Variants in KCNN2 observed in about 807,000 individuals in gnomAD.
KCNN2 encodes small conductance calcium-activated potassium channel protein 2.
Under a neutral mutation model 55.5 loss-of-function variants are expected in KCNN2, and 24 were observed. The ratio of observed to expected loss-of-function variants is 0.43; its 90% confidence interval spans 0.31 to 0.61. The LOEUF (loss-of-function observed/expected upper bound fraction) is 0.61, where lower values mean the gene tolerates loss of function less well. Among genes scored for constraint, KCNN2 ranks in the 20% least tolerant of loss-of-function variants. The pLI, the probability that KCNN2 is intolerant of heterozygous loss-of-function variation, is 0.08. For missense variants in KCNN2, 754 were observed against 853.6 expected (o/e 0.88, Z 1.45); for synonymous variants, 431 against 336.1 (o/e 1.28, Z -3.09).
At chr5:114,254,303 A>C (rs1049902173) in intron 2 of KCNN2, among the ~76,000 whole-genome samples, 19 of 152,210 alleles carry the variant, frequency 1.2e-4, no homozygotes, top group African/African-American at 4.6e-4. Flanking sequence ...AAACATCTCC[A>C]CAAGAAGAGG....
intron 2 of KCNN2, among the ~76,000 whole-genome samples, chr5:114,233,175 CT>C: frequency 1.3e-5 from 2 of 151,548 alleles, no homozygotes; most frequent in Middle Eastern, 6.8e-3. Flanking sequence ...CCGCCTCGGC[CT>C]CCCAAAGTGC....
chr5:114,488,593 G>A (rs898450501), intron 6 of KCNN2, among the ~76,000 whole-genome samples: 15 of 152,106 alleles, frequency 9.9e-5, no homozygotes, highest in African/African-American at 3.4e-4. Flanking sequence ...ATTCCTTGAA[G>A]TTTAGATTGA....
At chr5:114,234,430 A>T (rs1754430615) in intron 2 of KCNN2, among the ~76,000 whole-genome samples, 1 of 152,182 alleles carries the variant, frequency 6.6e-6, no homozygotes. Context: ...TTAGGATTTC[A>T]TGTAGTATAT....
At chr5:114,332,039 A>C (rs1158594952) in intron 2 of KCNN2, among the ~76,000 whole-genome samples, 2 of 152,238 alleles carry the variant, frequency 1.3e-5, no homozygotes, top group Non-Finnish European at 2.9e-5. Flanking sequence ...AGGGAGACTT[A>C]GATGTGAATT....
intron 1 of KCNN2, among the ~76,000 whole-genome samples, chr5:114,146,366 G>C (rs1030343473): frequency 6.6e-6 from 1 of 152,016 alleles, no homozygotes; most frequent in Non-Finnish European, 1.5e-5. Context: ...TGGGTTATAA[G>C]GAATACCAGT....
At chr5:114,325,586 G>A (rs12518601) in intron 2 of KCNN2, among the ~76,000 whole-genome samples, 45,571 of 152,062 alleles carry the variant, frequency 0.3, 7,115 homozygotes, top group Non-Finnish European at 0.35. Context: ...AGCCTTAATC[G>A]TCAGCCATCT....
chr5:114,307,585 A>C (rs1483578359), intron 2 of KCNN2, among the ~76,000 whole-genome samples: 1 of 152,030 alleles, frequency 6.6e-6, no homozygotes, highest in Admixed American at 6.5e-5. Context: ...ATAGGAGACA[A>C]CTCTCACTGT....
At chr5:114,314,424 C>A (rs549307303) in intron 2 of KCNN2, among the ~76,000 whole-genome samples, 1 of 152,132 alleles carries the variant, frequency 6.6e-6, no homozygotes, top group East Asian at 1.9e-4. Flanking sequence ...TTTACCATTG[C>A]AGTGTCATAC....
intron 2 of KCNN2, among the ~76,000 whole-genome samples, chr5:114,343,645 T>G (rs936897479): frequency 6.6e-6 from 1 of 151,852 alleles, no homozygotes; most frequent in Non-Finnish European, 1.5e-5. Context: ...AAGTGGGCTT[T>G]GGACAAAGAC....
intron 2 of KCNN2, among the ~76,000 whole-genome samples, chr5:114,323,540 TAAA>T (rs1355685286): frequency 6.6e-6 from 1 of 151,714 alleles, no homozygotes; most frequent in Non-Finnish European, 1.5e-5. Context: ...ATTAATTTAA[TAAA>T]AATTCACATC....
At chr5:114,281,676 C>T (rs902567019) in intron 2 of KCNN2, among the ~76,000 whole-genome samples, 1 of 92,258 alleles carries the variant, frequency 1.1e-5, no homozygotes, top group South Asian at 3.2e-4. Flanking sequence ...TGTATGATAT[C>T]CTAGTCAGAT....
chr5:114,081,894 G>A (rs1481323186), intron 1 of KCNN2, among the ~76,000 whole-genome samples: 2 of 152,196 alleles, frequency 1.3e-5, no homozygotes, highest in Non-Finnish European at 2.9e-5. Context: ...TCTAGACTAT[G>A]TAGGGAACTC....
chr5:114,229,491 G>C (rs1754310795), intron 2 of KCNN2, among the ~76,000 whole-genome samples: 1 of 151,616 alleles, frequency 6.6e-6, no homozygotes, highest in African/African-American at 2.4e-5. Flanking sequence ...TCTTTCAAAT[G>C]TGTGAAAATT....
intron 3 of KCNN2, among the ~76,000 whole-genome samples, chr5:114,451,348 T>C (rs532592690): frequency 6.6e-6 from 1 of 152,168 alleles, no homozygotes; most frequent in Non-Finnish European, 1.5e-5. Context: ...AAGTTGTCTA[T>C]ATCCCAAGTG....
chr5:114,342,192 T>C (rs1757029461), intron 2 of KCNN2, among the ~76,000 whole-genome samples: 1 of 142,248 alleles, frequency 7.0e-6, no homozygotes, highest in Non-Finnish European at 1.5e-5. Flanking sequence ...TGAACCACTG[T>C]GCCCGGCCCA....
At chr5:114,070,095 A>C (rs1014495816) in intron 1 of KCNN2, among the ~76,000 whole-genome samples, 14 of 152,184 alleles carry the variant, frequency 9.2e-5, no homozygotes, top group African/African-American at 3.1e-4. Context: ...AATCTGATTC[A>C]ATCTTTTATC....
chr5:114,120,957 A>G (rs1751820470), intron 1 of KCNN2, among the ~76,000 whole-genome samples: 1 of 152,216 alleles, frequency 6.6e-6, no homozygotes, highest in African/African-American at 2.4e-5. Context: ...GACCTGGGCA[A>G]ATGGGGCCTC....
At chr5:114,109,504 A>G (rs1241491223) in intron 1 of KCNN2, among the ~76,000 whole-genome samples, 1 of 152,032 alleles carries the variant, frequency 6.6e-6, no homozygotes, top group Non-Finnish European at 1.5e-5. Flanking sequence ...GTCCACCTCA[A>G]CTAGTTTCAG....
chr5:114,065,704 A>G (rs1750430508), intron 1 of KCNN2, among the ~76,000 whole-genome samples: 1 of 152,116 alleles, frequency 6.6e-6, no homozygotes. Context: ...CTGCAGCTCC[A>G]AGGATTTGGT....
Sources: gnomAD v4.1 joint callset for allele counts (sites outside exome capture counted in the v4.1 genomes callset) on GRCh38, gnomAD v4.1.1 for gene constraint, MANE v1.5 for transcripts, NCBI Gene and HGNC (gene_info 2026-07-23, HGNC 2026-07-21) for gene names.